The following FMN1 variants were observed in gnomAD, a reference collection of about 807,000 sequenced individuals.
FMN1 encodes the protein formin-1.
FMN1 carries 110 observed loss-of-function variants against 132.4 expected under a neutral mutation model. The ratio of observed to expected loss-of-function variants is 0.83; its 90% CI spans 0.71 to 0.97. The LOEUF is 0.97. FMN1 is among the 50% of genes least tolerant of loss of function. The probability of loss-of-function intolerance (pLI) is 0.00; values close to 1 mark genes in which losing one functional copy is unlikely to be tolerated. For synonymous variants in FMN1, 722 were observed against 651.7 expected (o/e 1.11, Z -1.64); for missense variants, 1,792 against 1,705.3 (o/e 1.05, Z -0.90).
intron 4 of FMN1, among the ~76,000 whole-genome samples, chr15:33,111,851 T>C (rs2140128677): frequency 6.6e-6 from 1 of 152,272 alleles, no homozygotes; most frequent in South Asian, 2.1e-4. Flanking sequence ...GATGAAAATG[T>C]TATAAAGTTG....
rs972678254 is a variant in FMN1, at chr15:33,153,563, C to T, written c.1352G>A (p.Arg451His). The T allele has an allele frequency of 1.8e-5, 28 of 1,536,104 alleles. No individual in the cohort carries two copies. The highest frequency in any genetic ancestry group is 1.9e-5 in the Non-Finnish European group (22 of 1,146,950). ...FPVHTSVPHT[R>H]PETRNKRRAG... ...TCTCCTCTTGTTTCTCGTTTCTGGG[C>T]GAGTGTGAGGGACACTCGTGTGGAC... Residue 451 changes from arginine to histidine, a missense_variant, in exon 4 of 21, where the codon CGC becomes CAC. Arg to His is a conservative substitution (Grantham distance 29). Coordinates refer to ENST00000616417, the MANE Select transcript of FMN1 (RefSeq NM_001277313.2).
intron 10 of FMN1, among the ~76,000 whole-genome samples, chr15:32,925,265 T>G (rs1277442267): frequency 6.6e-6 from 1 of 152,216 alleles, no homozygotes; most frequent in Non-Finnish European, 1.5e-5. Context: ...TTTTGAAAAC[T>G]TCTATTGAAA....
Position 32,891,808 on chromosome 15 carries a change from A to T in FMN1, c.3715-3516T>A, listed in dbSNP as rs1236038442. ...TACACACATATATATATATGTATAT[A>T]TTTGCAGCTATTGTAAAAGAGGTTG... On this transcript the variant is annotated intron_variant, in intron 15 of 20. Coordinates refer to ENST00000616417, the MANE Select transcript of FMN1 (RefSeq NM_001277313.2). Among the ~76,000 whole-genome samples the T allele has an allele frequency of 3.9e-5, 6 of 152,014 alleles. No individual in the cohort carries two copies. In the South Asian group the frequency reaches 6.2e-4, roughly 16 times the overall value.
intron 10 of FMN1, among the ~76,000 whole-genome samples, chr15:32,922,740 T>C (rs2060863132): frequency 6.6e-6 from 1 of 152,226 alleles, no homozygotes; most frequent in African/African-American, 2.4e-5. Flanking sequence ...TTGGAATGCC[T>C]GAAGCTATCC....
intron 6 of FMN1, among the ~76,000 whole-genome samples, chr15:33,060,436 GAAAC>G (rs1306844173): frequency 1.8e-4 from 28 of 152,154 alleles, no homozygotes; most frequent in Admixed American, 1.0e-3. Context: ...ATTAAAATGA[GAAAC>G]AAACCAGAAA....
At chr15:32,831,835 G>T (rs2058510451) in intron 17 of FMN1, among the ~76,000 whole-genome samples, 1 of 151,884 alleles carries the variant, frequency 6.6e-6, no homozygotes, top group South Asian at 2.1e-4. Flanking sequence ...AAATCTTCTG[G>T]TGGGGAAGTA....
intron 9 of FMN1, among the ~76,000 whole-genome samples, chr15:32,954,778 G>C (rs541875032): frequency 6.6e-6 from 1 of 152,296 alleles, no homozygotes; most frequent in African/African-American, 2.4e-5. Context: ...GGTCAAGGTG[G>C]GCGGATCACT....
At chr15:32,811,100 G>A in intron 17 of FMN1, 1 of 456,826 alleles carries the variant, frequency 2.2e-6, no homozygotes, top group Non-Finnish European at 4.4e-6. Context: ...GCTGACATCG[G>A]AAAGGGATGG....
intron 9 of FMN1, among the ~76,000 whole-genome samples, chr15:32,962,695 C>T (rs1271344038): frequency 6.7e-6 from 1 of 148,640 alleles, no homozygotes; most frequent in Non-Finnish European, 1.5e-5. Flanking sequence ...CATGAACAGA[C>T]ACTTCTCAAA....
intron 6 of FMN1, among the ~76,000 whole-genome samples, chr15:33,061,748 CA>C (rs2037494208): frequency 6.6e-6 from 1 of 151,918 alleles, no homozygotes; most frequent in African/African-American, 2.4e-5. Flanking sequence ...AGAAGGCCCC[CA>C]ACAGTCCTAA....
At chr15:32,811,072 C>G in intron 17 of FMN1, 1 of 456,784 alleles carries the variant, frequency 2.2e-6, no homozygotes, top group South Asian at 1.5e-5. Context: ...ATGCTTTACA[C>G]CAACAGAGGC....
At chr15:32,889,246 C>A (rs2059967947) in intron 15 of FMN1, among the ~76,000 whole-genome samples, 1 of 152,200 alleles carries the variant, frequency 6.6e-6, no homozygotes, top group Admixed American at 6.5e-5. Flanking sequence ...AGCTGAGAAA[C>A]ATCTTGAAGG....
intron 4 of FMN1, among the ~76,000 whole-genome samples, chr15:33,098,131 C>A (rs540338222): frequency 6.6e-6 from 1 of 152,202 alleles, no homozygotes; most frequent in East Asian, 1.9e-4. Context: ...GGAAATGAGA[C>A]CATACACTTC....
At chr15:33,039,660 GTTCTT>G (rs1364248190) in intron 6 of FMN1, among the ~76,000 whole-genome samples, 1 of 152,110 alleles carries the variant, frequency 6.6e-6, no homozygotes, top group Non-Finnish European at 1.5e-5. Flanking sequence ...ATCTCCTTCT[GTTCTT>G]TTAATAGCCC....
At position 32,770,000 on chromosome 15, in the gene FMN1, A is replaced by G. The variant is rs2056175445; in HGVS notation, c.*4310T>C. 6.6e-6 allele frequency: 1 copy of G among 152,228 alleles called. No homozygotes were observed. The allele number at this position is 152,228 out of a possible 1,614,324, so 9.4% of individuals were successfully genotyped here. ...GTTAGCAATTTAAAAAGACAATTTA[A>G]ACTGTTTTATAAAATCAGATATTTA... On this transcript the variant is annotated 3_prime_UTR_variant, in exon 21 of 21. Coordinates refer to ENST00000616417, the MANE Select transcript of FMN1 (RefSeq NM_001277313.2).
At chr15:33,035,827 C>G (rs2036164998) in intron 6 of FMN1, among the ~76,000 whole-genome samples, 2 of 152,192 alleles carry the variant, frequency 1.3e-5, no homozygotes. Context: ...TTTTGAGAGG[C>G]AGGGCCTTTA....
At chr15:32,909,992 A>T (rs2060518780) in intron 11 of FMN1, among the ~76,000 whole-genome samples, 1 of 152,206 alleles carries the variant, frequency 6.6e-6, no homozygotes, top group Non-Finnish European at 1.5e-5. Context: ...TGGTAGACAC[A>T]GCTGGACCTC....
At chr15:32,990,401 CAAAG>C (rs1596411408) in intron 7 of FMN1, among the ~76,000 whole-genome samples, 4 of 152,150 alleles carry the variant, frequency 2.6e-5, no homozygotes, top group Admixed American at 1.3e-4. Flanking sequence ...AGGATCAGAG[CAAAG>C]AAAGAAAGAC....
At chr15:33,165,537 C>T (rs1965069735) in intron 3 of FMN1, among the ~76,000 whole-genome samples, 1 of 152,144 alleles carries the variant, frequency 6.6e-6, no homozygotes, top group Non-Finnish European at 1.5e-5. Context: ...AATACAGGCG[C>T]CCGCCACCAC....
Sources: gnomAD v4.1 joint callset for allele counts (sites outside exome capture counted in the v4.1 genomes callset) on GRCh38, gnomAD v4.1.1 for gene constraint, MANE v1.5 for transcripts, NCBI Gene and HGNC (gene_info 2026-07-23, HGNC 2026-07-21) for gene names.